The following CYTH3 variants were observed in gnomAD, a reference collection of about 807,000 sequenced individuals.
CYTH3 encodes cytohesin-3.
Under a neutral mutation model 55.1 loss-of-function variants are expected in CYTH3, and 23 were observed. The observed-to-expected ratio is 0.42, with a 90% CI of 0.30 to 0.59. The LOEUF is 0.59. CYTH3 is among the 20% of genes least tolerant of loss of function. The probability of loss-of-function intolerance (pLI) is 0.20; values close to 1 mark genes in which losing one functional copy is unlikely to be tolerated. For synonymous variants in CYTH3, 249 were observed against 194.9 expected (o/e 1.28, Z -2.31); for missense variants, 413 against 524.8 (o/e 0.79, Z 2.08).
intron 1 of CYTH3, among the ~76,000 whole-genome samples, chr7:6,210,204 G>A (rs543242180): frequency 1.1e-4 from 16 of 151,922 alleles, no homozygotes; most frequent in Admixed American, 8.5e-4. Flanking sequence ...GCTGGGAGGC[G>A]GTGAGCAGAT....
chr7:6,262,224 G>T (rs932096516), intron 1 of CYTH3, among the ~76,000 whole-genome samples: 1 of 152,186 alleles, frequency 6.6e-6, no homozygotes, highest in Non-Finnish European at 1.5e-5. Flanking sequence ...CATGTTTAAT[G>T]CACAGGTAAT....
At chr7:6,190,166 G>A (rs1056483926) in intron 2 of CYTH3, among the ~76,000 whole-genome samples, 1 of 152,212 alleles carries the variant, frequency 6.6e-6, no homozygotes, top group Admixed American at 6.5e-5. Context: ...CTGTGGCCCT[G>A]GGTTTGCGAG....
intron 1 of CYTH3, among the ~76,000 whole-genome samples, chr7:6,206,073 G>C (rs1057304979): frequency 6.6e-6 from 1 of 151,984 alleles, no homozygotes; most frequent in Non-Finnish European, 1.5e-5. Context: ...TCTTCAAAAA[G>C]TTAAAACAGT....
Position 6,185,472 on chromosome 7 carries a change from A to C in CYTH3, c.249+1578T>G, listed in dbSNP as rs189396822. 6.8e-3 allele frequency among the ~76,000 whole-genome samples: 1,035 copies of C among 152,188 alleles called. 11 individuals carry two copies. Among genetic ancestry groups the C allele is most frequent in the African/African-American group, 0.024 (981 of 41,520 alleles). ...AGCACTTTGGGAGGCCAAGGTGGGC[A>C]GATCACAAGGTCAGGAGATCGAGAC... On this transcript the variant is annotated intron_variant, in intron 4 of 12. Coordinates refer to ENST00000350796, the MANE Select transcript of CYTH3 (RefSeq NM_004227.4).
intron 4 of CYTH3, among the ~76,000 whole-genome samples, chr7:6,182,056 G>GT (rs909361138): frequency 4.2e-4 from 64 of 151,274 alleles, no homozygotes; most frequent in Admixed American, 1.8e-3. Flanking sequence ...ATTTTGTTTT[G>GT]TTTTTTTTGA....
chr7:6,211,058 A>G (rs1455697636), intron 1 of CYTH3, among the ~76,000 whole-genome samples: 4 of 152,222 alleles, frequency 2.6e-5, no homozygotes, highest in African/African-American at 4.8e-5. Context: ...CTTAAAACAC[A>G]TATGACTTCC....
intron 1 of CYTH3, among the ~76,000 whole-genome samples, chr7:6,265,301 C>G (rs549009037): frequency 1.4e-4 from 21 of 150,910 alleles, no homozygotes; most frequent in Non-Finnish European, 2.8e-4. Context: ...ATGAGGTTTA[C>G]TATCCGGCCC....
chr7:6,201,158 G>A (rs1425023692), intron 1 of CYTH3, among the ~76,000 whole-genome samples: 1 of 152,200 alleles, frequency 6.6e-6, no homozygotes, highest in East Asian at 1.9e-4. Flanking sequence ...GCTGCGCTCT[G>A]CCTCTCCTCA....
intron 1 of CYTH3, among the ~76,000 whole-genome samples, chr7:6,242,018 C>A (rs1420864932): frequency 3.3e-5 from 5 of 152,064 alleles, no homozygotes. Context: ...CTTGCATATA[C>A]CACTGTAACA....
chr7:6,213,954 G>A (rs536070635), intron 1 of CYTH3, among the ~76,000 whole-genome samples: 1 of 152,248 alleles, frequency 6.6e-6, no homozygotes, highest in South Asian at 2.1e-4. Flanking sequence ...ATCCTTTTAG[G>A]AAGGCTCATG....
At chr7:6,232,893 G>C (rs566850472) in intron 1 of CYTH3, among the ~76,000 whole-genome samples, 124 of 151,906 alleles carry the variant, frequency 8.2e-4, no homozygotes, top group Non-Finnish European at 1.4e-3. Flanking sequence ...ATCCACTTCG[G>C]GTGCCAGCCT....
intron 1 of CYTH3, among the ~76,000 whole-genome samples, chr7:6,196,910 G>A (rs1783948582): frequency 6.6e-6 from 1 of 152,206 alleles, no homozygotes; most frequent in Non-Finnish European, 1.5e-5. Flanking sequence ...GAGCTCTCCT[G>A]TGCAGATATA....
chr7:6,256,663 C>G (rs1272081673), intron 1 of CYTH3, among the ~76,000 whole-genome samples: 2 of 152,138 alleles, frequency 1.3e-5, no homozygotes, highest in African/African-American at 4.8e-5. Context: ...AACAAATGTC[C>G]AAGTACTAAC....
chr7:6,255,355 G>A (rs1373792380), intron 1 of CYTH3, among the ~76,000 whole-genome samples: 2 of 152,088 alleles, frequency 1.3e-5, no homozygotes. Flanking sequence ...TTGAACAAGG[G>A]GAATTACCCG....
At chr7:6,185,262 T>C (rs1435483312) in intron 4 of CYTH3, among the ~76,000 whole-genome samples, 1 of 152,166 alleles carries the variant, frequency 6.6e-6, no homozygotes, top group Non-Finnish European at 1.5e-5. Flanking sequence ...AAAACCCTCC[T>C]CTGGGTGCAG....
intron 4 of CYTH3, among the ~76,000 whole-genome samples, chr7:6,182,400 G>C (rs1260547139): frequency 6.6e-6 from 1 of 152,174 alleles, no homozygotes; most frequent in Non-Finnish European, 1.5e-5. Flanking sequence ...CCAGGCTAGA[G>C]TGCAGTGGTG....
In CYTH3 at chr7:6,170,450, C is replaced by T. The variant is rs1783144427; in HGVS notation, c.823+85G>A. The T allele has an allele frequency of 1.6e-6, 2 of 1,278,180 alleles. No individual in the cohort carries two copies. The highest frequency in any genetic ancestry group is 4.5e-5 in the Admixed American group (2 of 44,112). The allele number at this position is 1,278,180 out of a possible 1,614,324, so 79.2% of individuals were successfully genotyped here. A position where few individuals can be genotyped will look rare whatever the true frequency, so the allele number is the denominator to read the frequency against. On this transcript the variant is annotated intron_variant, in intron 9 of 12. Coordinates refer to ENST00000350796, the MANE Select transcript of CYTH3 (RefSeq NM_004227.4). The surrounding 1 kb of genome is among the most constrained non-coding windows in gnomAD (Gnocchi z 7.8). ...GTCTCTGCCTGCGGTGGGGGGCATT[C>T]CTACGATGAGCCTGGGAGGAACCCG...
At chr7:6,228,480 T>G (rs139244333) in intron 1 of CYTH3, among the ~76,000 whole-genome samples, 1 of 152,230 alleles carries the variant, frequency 6.6e-6, no homozygotes, top group African/African-American at 2.4e-5. Flanking sequence ...TCTCAAGTTG[T>G]GTGGGAGGGT....
At chr7:6,253,627 C>A (rs1583199379) in intron 1 of CYTH3, among the ~76,000 whole-genome samples, 2 of 152,042 alleles carry the variant, frequency 1.3e-5, no homozygotes, top group Non-Finnish European at 2.9e-5. Flanking sequence ...ACCAGCCTGG[C>A]CAATTTGATG....
Sources: gnomAD v4.1 joint callset for allele counts (sites outside exome capture counted in the v4.1 genomes callset) on GRCh38, gnomAD v4.1.1 for gene constraint, Gnocchi (gnomAD v3.1) non-coding constraint, MANE v1.5 for transcripts, NCBI Gene and HGNC (gene_info 2026-07-23, HGNC 2026-07-21) for gene names.